Variants in COMMD10 observed in about 807,000 individuals in gnomAD.
COMMD10 encodes COMM domain-containing protein 10.
A neutral mutation model predicts 28.9 loss-of-function variants in COMMD10; 33 were observed. That is an observed-to-expected ratio of 1.14 (90% CI 0.87 to 1.53). The LOEUF (loss-of-function observed/expected upper bound fraction) is 1.53. Ranked by LOEUF, COMMD10 falls within the 40% of genes most tolerant of loss-of-function variation. COMMD10 has a pLI of 0.00. For synonymous variants in COMMD10, 110 were observed against 81.7 expected, an observed-to-expected ratio of 1.35 and a Z score of -1.87; for missense variants, 310 against 233.4, an observed-to-expected ratio of 1.33 and a Z score of -2.14.
At chr5:116,132,579 T>C (rs79331193) in intron 4 of COMMD10, among the ~76,000 whole-genome samples, 1,823 of 152,256 alleles carry the variant, frequency 0.012, 37 homozygotes, top group African/African-American at 0.04. Flanking sequence ...TGGAGAGGGA[T>C]AGGATCAATT....
At chr5:116,135,941 C>G (rs751847706) in intron 5 of COMMD10, among the ~76,000 whole-genome samples, 9 of 151,674 alleles carry the variant, frequency 5.9e-5, no homozygotes, top group Non-Finnish European at 1.0e-4. Context: ...GTAATAGTAT[C>G]TATCTACACA....
chr5:116,208,064 A>G (rs6886034), intron 5 of COMMD10, among the ~76,000 whole-genome samples: 56,832 of 151,970 alleles, frequency 0.37, 13,149 homozygotes, highest in African/African-American at 0.66. Context: ...GCTTACTAGA[A>G]AAGTTGAAGA....
intron 5 of COMMD10, among the ~76,000 whole-genome samples, chr5:116,251,452 C>A (rs867611500): frequency 3.7e-5 from 5 of 133,924 alleles, no homozygotes; most frequent in Admixed American, 2.4e-4. Context: ...TTCCCCCCAC[C>A]ACACAACAGT....
chr5:116,112,655 A>G (rs1029295805), intron 4 of COMMD10, among the ~76,000 whole-genome samples: 6 of 152,126 alleles, frequency 3.9e-5, no homozygotes, highest in South Asian at 2.1e-4. Flanking sequence ...TGGCCTCCCA[A>G]AGTGCTGGGA....
chr5:116,093,204 G>A (rs1003099319), intron 4 of COMMD10, among the ~76,000 whole-genome samples: 4 of 152,134 alleles, frequency 2.6e-5, no homozygotes, highest in African/African-American at 7.2e-5. Flanking sequence ...TGGTACATAA[G>A]ATATTCCTGT....
chr5:116,137,457 T>C (rs1752055482), intron 5 of COMMD10, among the ~76,000 whole-genome samples: 1 of 152,060 alleles, frequency 6.6e-6, no homozygotes, highest in South Asian at 2.1e-4. Context: ...TGGTGTTGGT[T>C]TAAAACAGGA....
chr5:116,194,035 C>A (rs1319311402), intron 5 of COMMD10, among the ~76,000 whole-genome samples: 2 of 152,114 alleles, frequency 1.3e-5, no homozygotes, highest in Admixed American at 6.5e-5. Context: ...CATGCAAATA[C>A]ATGGAAATTA....
intron 4 of COMMD10, among the ~76,000 whole-genome samples, chr5:116,126,394 T>A (rs7715797): frequency 6.8e-6 from 1 of 146,294 alleles, no homozygotes; most frequent in South Asian, 2.1e-4. Flanking sequence ...AAACTACCAA[T>A]GACTTTCTTC....
chr5:116,118,884 C>T (rs1751330053), intron 4 of COMMD10, among the ~76,000 whole-genome samples: 1 of 152,176 alleles, frequency 6.6e-6, no homozygotes, highest in Non-Finnish European at 1.5e-5. Context: ...TTGGCTGAAA[C>T]CAGAACCATT....
intron 5 of COMMD10, among the ~76,000 whole-genome samples, chr5:116,173,351 T>C (rs953040474): frequency 6.6e-6 from 1 of 152,118 alleles, no homozygotes; most frequent in African/African-American, 2.4e-5. Context: ...ACCTTTAAAG[T>C]GTTATATAAG....
At chr5:116,223,385 A>G (rs1222234375) in intron 5 of COMMD10, among the ~76,000 whole-genome samples, 7 of 152,124 alleles carry the variant, frequency 4.6e-5, no homozygotes, top group Non-Finnish European at 1.0e-4. Flanking sequence ...GGATATGGCT[A>G]TCTATATTTT....
At chr5:116,124,504 T>C (rs1361514448) in intron 4 of COMMD10, among the ~76,000 whole-genome samples, 3 of 152,204 alleles carry the variant, frequency 2.0e-5, no homozygotes, top group Non-Finnish European at 4.4e-5. Flanking sequence ...TGGTCAATTC[T>C]GGAATAATTG....
At chr5:116,117,997 C>CA (rs1158343013) in intron 4 of COMMD10, among the ~76,000 whole-genome samples, 1 of 152,056 alleles carries the variant, frequency 6.6e-6, no homozygotes, top group African/African-American at 2.4e-5. Flanking sequence ...GGAGTTCTTA[C>CA]AATTGTCTTT....
In COMMD10 at chr5:116,242,575, T is replaced by C. The variant is rs542976590; in HGVS notation, c.511-48942T>C. Among the ~76,000 whole-genome samples, 5 of 152,298 alleles carry C rather than the reference T, an allele frequency of 3.3e-5. No individual in the cohort carries two copies. The South Asian group carries it at 1.0e-3, about 32-fold the overall frequency. ...TGGCCTGCTTCCAAAGCTTGTATTA[T>C]TTTGAAAAGCAGCCAGTTTCTGGAA... On this transcript the variant is annotated intron_variant, in intron 5 of 6. Transcript: ENST00000274458.
chr5:116,132,526 A>C (rs908526946), intron 4 of COMMD10, among the ~76,000 whole-genome samples: 1 of 152,134 alleles, frequency 6.6e-6, no homozygotes, highest in Non-Finnish European at 1.5e-5. Context: ...GTTTTAATTT[A>C]TTCACTTGAT....
At chr5:116,251,316 A>G (rs935068151) in intron 5 of COMMD10, among the ~76,000 whole-genome samples, 1 of 146,824 alleles carries the variant, frequency 6.8e-6, no homozygotes, top group East Asian at 2.0e-4. Context: ...TTATACTTTA[A>G]GTTTTAGGGT....
intron 3 of COMMD10, among the ~76,000 whole-genome samples, chr5:116,091,669 C>G (rs1346478568): frequency 1.3e-5 from 2 of 152,034 alleles, no homozygotes. Context: ...TTTAAAAATC[C>G]TTGGCTCATC....
chr5:116,256,124 T>A (rs892346795), intron 5 of COMMD10, among the ~76,000 whole-genome samples: 11 of 151,732 alleles, frequency 7.2e-5, no homozygotes, highest in African/African-American at 2.7e-4. Context: ...AAGTCTGTAA[T>A]ATTTTACTTT....
At position 116,091,100 on chromosome 5, in the gene COMMD10, G is replaced by C; in HGVS notation, c.154G>C (p.Glu52Gln). Reference protein sequence around the residue: ...HLKAESSFSEEEEEKLQAAFS... With the variant: ...HLKAESSFSEQEEEKLQAAFS... ...ATAGGCTGAGAGCAGTTTCAGTGAAGAAGAGGAAGAAAAACTTCAAGCGGC... is the reference window on the plus strand; with the variant it reads ...ATAGGCTGAGAGCAGTTTCAGTGAACAAGAGGAAGAAAAACTTCAAGCGGC... The change falls in exon 3 of 7, where the codon GAA becomes CAA. Residue 52 changes from glutamate to glutamine, a missense_variant. Physicochemically the swap from Glu to Gln is conservative, Grantham distance 29. Coordinates refer to ENST00000274458, the MANE Select transcript of COMMD10 (RefSeq NM_016144.4). 6.2e-7 allele frequency: 1 copy of C among 1,610,190 alleles called. No individual in the cohort carries two copies. Among genetic ancestry groups the C allele is most frequent in the Non-Finnish European group, 8.5e-7 (1 of 1,177,638 alleles).
Sources: gnomAD v4.1 joint callset for allele counts (sites outside exome capture counted in the v4.1 genomes callset) on GRCh38, gnomAD v4.1.1 for gene constraint, MANE v1.5 for transcripts, NCBI Gene and HGNC (gene_info 2026-07-23, HGNC 2026-07-21) for gene names.